The following E2F3 variants were observed in gnomAD, a reference collection of about 807,000 sequenced individuals.
The protein encoded by E2F3 is E2F transcription factor 3, also known as transcription factor E2F3.
A neutral mutation model predicts 44.4 loss-of-function variants in E2F3; 11 were observed. That is an observed-to-expected ratio of 0.25 (90% CI 0.16 to 0.41). E2F3 has a LOEUF of 0.41. Among genes scored for constraint, E2F3 ranks in the 10% least tolerant of loss-of-function variants. E2F3 has a pLI of 1.00. For missense variants in E2F3, 487 were observed against 583.6 expected (o/e 0.83, Z 1.70); for synonymous variants, 249 against 253.0 (o/e 0.98, Z 0.15).
At chr6:20,420,916 T>G (rs1240583987) in intron 1 of E2F3, among the ~76,000 whole-genome samples, 3 of 152,248 alleles carry the variant, frequency 2.0e-5, no homozygotes, top group Non-Finnish European at 4.4e-5. Context: ...TAGACCTTCT[T>G]TCAAAATCAG....
At chr6:20,437,430 T>C (rs895361043) in intron 1 of E2F3, among the ~76,000 whole-genome samples, 1 of 152,020 alleles carries the variant, frequency 6.6e-6, no homozygotes, top group African/African-American at 2.4e-5. Context: ...TAGTAACCTA[T>C]AGAAAATTCA....
intron 1 of E2F3, among the ~76,000 whole-genome samples, chr6:20,458,358 C>T (rs1459299682): frequency 1.3e-5 from 2 of 152,046 alleles, no homozygotes; most frequent in African/African-American, 2.4e-5. Context: ...TTCCCCATAC[C>T]GAGGGGTCTT....
chr6:20,465,197 A>C (rs1761660421), intron 1 of E2F3, among the ~76,000 whole-genome samples: 1 of 152,238 alleles, frequency 6.6e-6, no homozygotes, highest in African/African-American at 2.4e-5. Context: ...GACTGGGCCA[A>C]GACACCTTTG....
chr6:20,411,075 C>A (rs1253652791), intron 1 of E2F3, among the ~76,000 whole-genome samples: 1 of 152,126 alleles, frequency 6.6e-6, no homozygotes, highest in African/African-American at 2.4e-5. Context: ...TATAAGCTGC[C>A]CATTGACTTG....
At position 20,402,698 on chromosome 6, in the gene E2F3, G is replaced by T. The variant is rs1759347929; in HGVS notation, c.393+73G>T. ...TCGCACCGCGCGGGGTCGTGGGCGC[G>T]CTGCGGGCCGCTCGGGGAGAGCACT... On this transcript the variant is annotated intron_variant, in intron 1 of 6. Coordinates refer to ENST00000346618, the MANE Select transcript of E2F3 (RefSeq NM_001949.5). This position sits in a 1 kb window ranked among gnomAD's most constrained non-coding sequence, Gnocchi z 5.6. 7.9e-7 allele frequency: 1 copy of T among 1,272,116 alleles called. No homozygotes were observed. The highest frequency in any genetic ancestry group is 9.9e-7 in the Non-Finnish European group (1 of 1,012,460). The allele number at this position is 1,272,116 out of a possible 1,614,324, so 78.8% of individuals were successfully genotyped here.
chr6:20,441,725 A>ATTTT (rs70990031), intron 1 of E2F3, among the ~76,000 whole-genome samples: 2 of 119,354 alleles, frequency 1.7e-5, no homozygotes, highest in Admixed American at 9.0e-5. Context: ...CGCGTGGGTA[A>ATTTT]TTTTTTTTTT....
chr6:20,453,190 T>G (rs1761190598), intron 1 of E2F3, among the ~76,000 whole-genome samples: 1 of 151,968 alleles, frequency 6.6e-6, no homozygotes, highest in African/African-American at 2.4e-5. Context: ...ATTTGTGGGG[T>G]TTTTTTGGTC....
chr6:20,443,476 A>G (rs1474274935), intron 1 of E2F3, among the ~76,000 whole-genome samples: 1 of 152,184 alleles, frequency 6.6e-6, no homozygotes, highest in African/African-American at 2.4e-5. Flanking sequence ...GCAGTGGCTC[A>G]TACCCATAAT....
intron 1 of E2F3, among the ~76,000 whole-genome samples, chr6:20,435,227 C>T (rs1172914391): frequency 1.3e-5 from 2 of 152,190 alleles, no homozygotes; most frequent in Non-Finnish European, 2.9e-5. Context: ...ATCTTCCTTC[C>T]TCAGCCTCCC....
chr6:20,414,684 T>A (rs1759785275), intron 1 of E2F3, among the ~76,000 whole-genome samples: 5 of 152,328 alleles, frequency 3.3e-5, no homozygotes, highest in African/African-American at 9.6e-5. Context: ...GCAGAACTTG[T>A]GACGATCACA....
intron 1 of E2F3, among the ~76,000 whole-genome samples, chr6:20,453,103 C>T (rs542210926): frequency 6.6e-6 from 1 of 152,146 alleles, no homozygotes; most frequent in East Asian, 1.9e-4. Flanking sequence ...TGTAAGGGCT[C>T]TTTATATAAT....
chr6:20,483,020 G>A (rs1762281483), intron 4 of E2F3, 100 bp downstream of exon 4: 1 of 1,555,724 alleles, frequency 6.4e-7, no homozygotes. Context: ...TTATTCTGAT[G>A]TCATGCAAAT....
chr6:20,449,673 G>A (rs28618144), intron 1 of E2F3, among the ~76,000 whole-genome samples: 19,379 of 152,038 alleles, frequency 0.13, 1,710 homozygotes, highest in East Asian at 0.45. Flanking sequence ...GTTATATAGG[G>A]AAACTCGTGT....
In E2F3 at chr6:20,488,213, A is replaced by C; in HGVS notation, c.1100A>C (p.Asp367Ala). 1 of 1,608,444 alleles carries C rather than the reference A, an allele frequency of 6.2e-7. No homozygotes were observed. Among genetic ancestry groups the C allele is most frequent in the South Asian group, 1.1e-5 (1 of 89,312 alleles). The change falls in exon 6 of 7, where the codon GAC (aspartate) becomes GCC (alanine). Residue 367 changes from aspartate to alanine, a missense_variant. Asp to Ala is a moderately radical substitution (Grantham distance 126). This residue lies in a region of E2F3 where 220 missense variants were observed against 261.7 expected (regional missense o/e 0.84). Coordinates refer to ENST00000346618, the MANE Select transcript of E2F3 (RefSeq NM_001949.5). ...AGTCCAATGAAAACAAACAACCAAG[A>C]CCACAATGGGAATATCCCTAAACCC... ...THSPMKTNNQDHNGNIPKPAS... is the reference protein window; with the variant it reads ...THSPMKTNNQAHNGNIPKPAS...
intron 1 of E2F3, among the ~76,000 whole-genome samples, chr6:20,407,434 T>C (rs1027644638): frequency 4.6e-5 from 7 of 152,186 alleles, no homozygotes; most frequent in Non-Finnish European, 5.9e-5. Flanking sequence ...CCACCTTGTG[T>C]ATTACTTGGA....
chr6:20,460,080 T>G (rs917649570), intron 1 of E2F3, among the ~76,000 whole-genome samples: 2 of 152,234 alleles, frequency 1.3e-5, no homozygotes, highest in Admixed American at 1.3e-4. Flanking sequence ...CACTAAATGT[T>G]ATTCTTTGTC....
At chr6:20,416,681 T>C (rs1331760738) in intron 1 of E2F3, among the ~76,000 whole-genome samples, 1 of 152,146 alleles carries the variant, frequency 6.6e-6, no homozygotes, top group African/African-American at 2.4e-5. Flanking sequence ...GTCATTCCAA[T>C]GCACCAAGTT....
At chr6:20,432,060 T>A (rs1760418300) in intron 1 of E2F3, among the ~76,000 whole-genome samples, 1 of 152,262 alleles carries the variant, frequency 6.6e-6, no homozygotes, top group Non-Finnish European at 1.5e-5. Flanking sequence ...CTTTAAAGGT[T>A]CATTCTCCAA....
In E2F3 at chr6:20,481,394, A is replaced by G. The variant is rs1411171346; in HGVS notation, c.694A>G (p.Lys232Glu). The change falls in exon 3 of 7, where the codon AAG becomes GAG. Residue 232 changes from lysine (K) to glutamate (E), a missense_variant. Physicochemically the swap from Lys to Glu is moderately conservative, Grantham distance 56. Coordinates refer to ENST00000346618, the MANE Select transcript of E2F3 (RefSeq NM_001949.5). ...CGTTCTGGAAGGCATCCACCTCATT[A>G]AGAAGAAGTCTAAAAACAACGTCCA... ...TNVLEGIHLI[K>E]KKSKNNVQWM... The G allele has an allele frequency of 6.2e-7, 1 of 1,614,112 alleles. No homozygotes were observed. The highest frequency in any genetic ancestry group is 8.5e-7 in the Non-Finnish European group (1 of 1,180,018).
Sources: allele counts gnomAD v4.1 joint callset (sites outside exome capture counted in the v4.1 genomes callset), GRCh38; gene constraint gnomAD v4.1.1; regional missense constraint gnomAD v4.1.1; non-coding constraint Gnocchi (gnomAD v3.1); transcripts MANE v1.5; gene names NCBI Gene and HGNC (gene_info 2026-07-23, HGNC 2026-07-21).